RASAL1: variants seen among roughly 807,000 people sequenced by gnomAD.
RASAL1 encodes the protein RAS protein activator like 1.
In RASAL1, 72 loss-of-function variants were observed where a neutral mutation model predicts 96.6. That is an observed-to-expected ratio of 0.75 (90% CI 0.62 to 0.91). The LOEUF is 0.91. Among genes scored for constraint, RASAL1 ranks in the 40% least tolerant of loss-of-function variants. The pLI is 0.00. For synonymous variants in RASAL1, 405 were observed against 430.4 expected, an observed-to-expected ratio of 0.94 and a Z score of 0.73; for missense variants, 1,016 against 1,072.5, an observed-to-expected ratio of 0.95 and a Z score of 0.74.
chr12:113,100,148 G>A, intron 20 of RASAL1, 80 bp from the exon 21 acceptor site: 1 of 1,433,460 alleles, frequency 7.0e-7, no homozygotes, highest in Non-Finnish European at 9.3e-7. Flanking sequence ...GGTTTCTCAT[G>A]CTGAAGATGT....
In RASAL1 at chr12:113,107,143, A is replaced by G. The variant is rs1189329402; in HGVS notation, c.1611T>C (p.Arg537=). The change falls in exon 15 of 21, where the codon CGT becomes CGC. Residue 537 remains arginine, a synonymous_variant. Transcript: ENST00000548055. The part of the protein sequence containing the change: ...LHPFLLQCVS[R]VRDFLDRLVD... The stretch of plus-strand genomic sequence containing the variant: ...CCAGCCGGTCCAGGAAGTCTCTCAC[A>G]CGTGAGACACACTGCAGCAGGAAGG... 6.2e-7 allele frequency: 1 copy of G among 1,613,802 alleles called. No homozygotes were observed. Among genetic ancestry groups the G allele is most frequent in the East Asian group, 2.2e-5 (1 of 44,874 alleles).
rs568479301 is a variant in RASAL1, at chr12:113,115,658, G to C, written c.980C>G (p.Thr327Ser). Reference sequence around the variant, plus strand: ...ACTGGTCCGAGCCACCTCACGCCGGGTGAGATAGTCCAGAAAGCGCCCAGC... The same window carrying C: ...ACTGGTCCGAGCCACCTCACGCCGGCTGAGATAGTCCAGAAAGCGCCCAGC... ...GLAGRFLDYL[T>S]RREVARTMDP... The change falls in exon 10 of 21, where the codon ACC (threonine) becomes AGC (serine). Residue 327 changes from threonine to serine, a missense_variant. By Grantham distance (58) the Thr-to-Ser change is moderately conservative. Transcript: ENST00000548055. The surrounding 1 kb of genome is among the most constrained non-coding windows in gnomAD (Gnocchi z 4.1). 11 of 1,613,740 alleles carry C rather than the reference G, an allele frequency of 6.8e-6. No individual in the cohort carries two copies. The East Asian group carries it at 2.5e-4, about 36-fold the overall frequency.
In RASAL1 at chr12:113,105,818, G is replaced by A. The variant is rs778676077; in HGVS notation, c.1726C>T (p.Arg576Cys). ...GCCAGGCCGGCAGGCTCCTCCTTGC[G>A]CTTCAGCAGATAGCCTTCTCGAACA... ...AIVREGYLLK[R>C]KEEPAGLATR... Residue 576 changes from arginine (R) to cysteine (C), a missense_variant, in exon 16 of 21, where the codon CGC becomes TGC. Coordinates refer to ENST00000548055, the MANE Select transcript of RASAL1 (RefSeq NM_001301202.2). The A allele has an allele frequency of 1.3e-5, 21 of 1,614,058 alleles. No individual in the cohort carries two copies. The highest frequency in any genetic ancestry group is 5.5e-5 in the South Asian group (5 of 91,094).
At chr12:113,116,253 C>T (rs1243259536) in intron 8 of RASAL1, among the ~76,000 whole-genome samples, 1 of 152,034 alleles carries the variant, frequency 6.6e-6, no homozygotes, top group Non-Finnish European at 1.5e-5. Context: ...GCCTGTAGTC[C>T]CAGCTACTCA....
chr12:113,106,358 CA>C (rs757177933), intron 15 of RASAL1, among the ~76,000 whole-genome samples: 1 of 152,210 alleles, frequency 6.6e-6, no homozygotes, highest in Non-Finnish European at 1.5e-5. Flanking sequence ...GGTATGGACT[CA>C]ACCACAACTT....
chr12:113,104,223 C>A lies in RASAL1; in HGVS notation c.1906G>T (p.Val636Leu), dbSNP rs1316654080. 2 of 1,609,344 alleles carry A rather than the reference C, an allele frequency of 1.2e-6. No homozygotes were observed. Among genetic ancestry groups the A allele is most frequent in the South Asian group, 1.1e-5 (1 of 90,248 alleles). Residue 636 changes from valine to leucine, a missense_variant, in exon 17 of 21, where the codon GTG becomes TTG. By Grantham distance (32) the Val-to-Leu change is conservative. Coordinates refer to ENST00000548055, the MANE Select transcript of RASAL1 (RefSeq NM_001301202.2). Reference sequence around the variant, plus strand: ...CCGTCCTGCGTCACCACCTGCATCACGTGGGGCAGTTGGAAGGCGCCCTCG... The same window carrying A: ...CCGTCCTGCGTCACCACCTGCATCAAGTGGGGCAGTTGGAAGGCGCCCTCG... ...VDEGAFQLPH[V>L]MQVVTQDGTG...
rs185550370 is a variant in RASAL1, at chr12:113,132,472, A to G, written c.66-1531T>C. Among the ~76,000 whole-genome samples the G allele has an allele frequency of 6.6e-4, 101 of 152,190 alleles. No individual in the cohort carries two copies. The East Asian group carries it at 0.018, about 27-fold the overall frequency. On this transcript the variant is annotated intron_variant, in intron 1 of 20. Transcript: ENST00000548055. ...TCTGGAGCACGGAGTAACAGTGGAGATAGGACTGGGACCCAGGTTTGTGGG... is the reference window on the plus strand; with the variant it reads ...TCTGGAGCACGGAGTAACAGTGGAGGTAGGACTGGGACCCAGGTTTGTGGG...
chr12:113,106,975 A>T, intron 15 of RASAL1, 122 bp downstream of exon 15: 3 of 1,127,354 alleles, frequency 2.7e-6, no homozygotes, highest in Non-Finnish European at 3.8e-6. Flanking sequence ...AGGAAATGTT[A>T]GTTGACTGAC....
chr12:113,107,289 G>A, intron 14 of RASAL1, 48 bp from the exon 15 acceptor site: 1 of 1,523,364 alleles, frequency 6.6e-7, no homozygotes, highest in Non-Finnish European at 8.8e-7. Flanking sequence ...ACAGCAGAGG[G>A]TAGGGCCCCT....
intron 15 of RASAL1, among the ~76,000 whole-genome samples, chr12:113,106,477 T>A (rs564111104): frequency 5.3e-5 from 8 of 152,222 alleles, no homozygotes; most frequent in Non-Finnish European, 8.8e-5. Context: ...CTCTCTGGCC[T>A]TGCCTCTTTG....
intron 1 of RASAL1, among the ~76,000 whole-genome samples, chr12:113,134,150 G>A (rs986786124): frequency 2.0e-5 from 3 of 152,172 alleles, no homozygotes; most frequent in East Asian, 3.9e-4. Context: ...AGTCTGGTGG[G>A]GGGGCTTGTC....
At chr12:113,111,091 G>A (rs944932083) in intron 13 of RASAL1, among the ~76,000 whole-genome samples, 5 of 149,074 alleles carry the variant, frequency 3.4e-5, no homozygotes, top group South Asian at 4.3e-4. Context: ...ACCACCCCAC[G>A]CGCTGCTTGC....
chr12:113,123,628 G>A (rs796211881), intron 4 of RASAL1, among the ~76,000 whole-genome samples: 3 of 152,304 alleles, frequency 2.0e-5, no homozygotes, highest in Non-Finnish European at 2.9e-5. Flanking sequence ...CTGTCACCCA[G>A]GCTGGAGTGC....
chr12:113,130,945 CAGAAGG>C lies in RASAL1; in HGVS notation c.66-10_66-5del. 6.2e-7 allele frequency: 1 copy of C among 1,612,914 alleles called. No individual in the cohort carries two copies. The highest frequency in any genetic ancestry group is 8.5e-7 in the Non-Finnish European group (1 of 1,179,448). Reference sequence around the variant, plus strand: ...GTAGGGGTCGCTGCTCCCAGACCTGCAGAAGGAGGGAGTTCAGGGAGGAAGCAGGTT... The same window carrying C: ...GTAGGGGTCGCTGCTCCCAGACCTGCAGGGAGTTCAGGGAGGAAGCAGGTT... On this transcript the variant is annotated splice_region_variant and splice_polypyrimidine_tract_variant and intron_variant, in intron 1 of 20. Transcript: ENST00000548055. This position sits in a 1 kb window ranked among gnomAD's most constrained non-coding sequence, Gnocchi z 5.1.
chr12:113,131,049 G>C (rs1228806492), intron 1 of RASAL1, 108 bp from the exon 2 acceptor site: 3 of 791,638 alleles, frequency 3.8e-6, no homozygotes, highest in Admixed American at 2.3e-5. Context: ...ACAGAGAAGG[G>C]GACTTGCCCA....
At chr12:113,133,515 G>C (rs1041942219) in intron 1 of RASAL1, among the ~76,000 whole-genome samples, 2 of 152,208 alleles carry the variant, frequency 1.3e-5, no homozygotes, top group African/African-American at 4.8e-5. Context: ...GTGACTGACT[G>C]CTACTATTTC....
intron 18 of RASAL1, among the ~76,000 whole-genome samples, chr12:113,103,496 G>C (rs1245663960): frequency 1.3e-5 from 2 of 151,856 alleles, no homozygotes; most frequent in African/African-American, 4.8e-5. Context: ...AACCCAGCTA[G>C]TCAGGAGGCT....
In RASAL1 at chr12:113,130,668, G is replaced by A. The variant is rs1013127144; in HGVS notation, c.122+217C>T. ...GCTGGCAGCGCTGAGTCAGCCCCAG[G>A]GAGCCAGCAGGGACAGCATTAGGTC... On this transcript the variant is annotated intron_variant, in intron 2 of 20. Coordinates refer to ENST00000548055, the MANE Select transcript of RASAL1 (RefSeq NM_001301202.2). This position sits in a 1 kb window ranked among gnomAD's most constrained non-coding sequence, Gnocchi z 5.1. Among the ~76,000 whole-genome samples, 1 of 152,198 alleles carries A rather than the reference G, an allele frequency of 6.6e-6. No homozygotes were observed. The highest frequency in any genetic ancestry group is 2.4e-5 in the African/African-American group (1 of 41,458).
chr12:113,120,561 G>A (rs1256284318), intron 5 of RASAL1, among the ~76,000 whole-genome samples: 1 of 152,186 alleles, frequency 6.6e-6, no homozygotes, highest in Non-Finnish European at 1.5e-5. Flanking sequence ...TCCTAAAAAT[G>A]AGAGCTGGGG....
Sources: allele counts gnomAD v4.1 joint callset (sites outside exome capture counted in the v4.1 genomes callset), GRCh38; gene constraint gnomAD v4.1.1; non-coding constraint Gnocchi (gnomAD v3.1); transcripts MANE v1.5; gene names NCBI Gene and HGNC (gene_info 2026-07-23, HGNC 2026-07-21).